DSCAML1: variants seen among roughly 807,000 people sequenced by gnomAD.
The protein encoded by DSCAML1 is DS cell adhesion molecule like 1.
In DSCAML1, 38 loss-of-function variants were observed where a neutral mutation model predicts 200.5. That is an observed-to-expected ratio of 0.19 (90% CI 0.15 to 0.25). The LOEUF is 0.25. Among genes scored for constraint, DSCAML1 ranks in the 10% least tolerant of loss-of-function variants. The pLI is 1.00. For synonymous variants in DSCAML1, 1,215 were observed against 1,165.0 expected (o/e 1.04, Z -0.87); for missense variants, 2,223 against 2,858.8 (o/e 0.78, Z 5.07).
chr11:117,635,532 G>A (rs1356957118), intron 3 of DSCAML1, among the ~76,000 whole-genome samples: 1 of 151,860 alleles, frequency 6.6e-6, no homozygotes, highest in Non-Finnish European at 1.5e-5. Context: ...GGGTGCAGCA[G>A]GGGTCAGGGG....
At chr11:117,701,358 A>T (rs192028968) in intron 3 of DSCAML1, among the ~76,000 whole-genome samples, 2 of 152,184 alleles carry the variant, frequency 1.3e-5, no homozygotes, top group African/African-American at 2.4e-5. Context: ...GAACGATGAT[A>T]CCACCCTGGG....
chr11:117,797,294 C>G (rs913257223), upstream of DSCAML1: 20 of 1,323,798 alleles, frequency 1.5e-5, no homozygotes, highest in Non-Finnish European at 1.9e-5. Context: ...CTCTCCCCGC[C>G]CCCCCGCGGC....
intron 3 of DSCAML1, among the ~76,000 whole-genome samples, chr11:117,695,280 G>A (rs1349865221): frequency 6.6e-6 from 1 of 150,986 alleles, no homozygotes; most frequent in Non-Finnish European, 1.5e-5. Flanking sequence ...TAAATAACAG[G>A]GCAGATCTTT....
In DSCAML1 at chr11:117,482,042, G is replaced by A; in HGVS notation, c.2480C>T (p.Thr827Ile). Residue 827 changes from threonine (T) to isoleucine (I), a missense_variant, in exon 12 of 33, where the codon ACA becomes ATA. Physicochemically the swap from Thr to Ile is moderately conservative, Grantham distance 89 (BLOSUM62 -1). Around this residue, in one of 7 missense-constraint regions of DSCAML1, gnomAD observed 438 missense variants for 629.7 expected, o/e 0.70. Coordinates refer to ENST00000651296, the MANE Select transcript of DSCAML1 (RefSeq NM_020693.4). ...PIIIRWEKGDTVIDPDRVMRY... is the reference protein window; with the variant it reads ...PIIIRWEKGDIVIDPDRVMRY... ...CATGACGCGGTCAGGGTCGATGACT[G>A]TGTCCCCCTTCTCCCAGCGGATGAT... The A allele has an allele frequency of 1.2e-6, 2 of 1,614,204 alleles. No homozygotes were observed. Among genetic ancestry groups the A allele is most frequent in the South Asian group, 2.2e-5 (2 of 91,092 alleles).
chr11:117,789,481 T>C (rs1019602267), intron 1 of DSCAML1, among the ~76,000 whole-genome samples: 50 of 152,184 alleles, frequency 3.3e-4, no homozygotes, highest in Non-Finnish European at 5.0e-4. Context: ...GGTGGAGTCA[T>C]CTACCCCAGG....
chr11:117,780,231 G>GAAAAA lies in DSCAML1; in HGVS notation c.364+261_364+262insTTTTT, dbSNP rs1555032678. Among the ~76,000 whole-genome samples the GAAAAA allele has an allele frequency of 0.02, 1,202 of 60,620 alleles. 58 individuals carry two copies. The highest frequency in any genetic ancestry group is 0.023 in the Non-Finnish European group (676 of 29,824). The allele number at this position is 60,620 out of a possible 152,430, so 39.8% of individuals were successfully genotyped here. On this transcript the variant is annotated intron_variant, in intron 2 of 32. Coordinates refer to ENST00000651296, the MANE Select transcript of DSCAML1 (RefSeq NM_020693.4). The surrounding 1 kb of genome is among the most constrained non-coding windows in gnomAD (Gnocchi z 4.8). ...AAAGAGAGAGAGAGAAAGAAAGAAA[G>GAAAAA]GAAAGAAAGAAAGAAAGAAAGAAAG...
At chr11:117,446,201 T>C (rs2048173964) in intron 20 of DSCAML1, among the ~76,000 whole-genome samples, 1 of 152,020 alleles carries the variant, frequency 6.6e-6, no homozygotes, top group Non-Finnish European at 1.5e-5. Flanking sequence ...CCCTCTCTAC[T>C]AAAAAATACA....
intron 29 of DSCAML1, 53 bp downstream of exon 29, chr11:117,433,085 G>A (rs1268912889): frequency 1.3e-6 from 2 of 1,515,074 alleles, no homozygotes; most frequent in Non-Finnish European, 1.8e-6. Context: ...ATGGGTTGTA[G>A]CCTGGGGAAG....
chr11:117,682,324 C>T (rs1020705184), intron 3 of DSCAML1, among the ~76,000 whole-genome samples: 3 of 152,144 alleles, frequency 2.0e-5, no homozygotes, highest in Non-Finnish European at 4.4e-5. Flanking sequence ...CCCTCCTTCC[C>T]ACCTGCTCCA....
chr11:117,428,557 G>A lies in DSCAML1; in HGVS notation c.5933C>T (p.Ala1978Val), dbSNP rs200329592. 3 of 1,550,676 alleles carry A rather than the reference G, an allele frequency of 1.9e-6. No individual in the cohort carries two copies. The highest frequency in any genetic ancestry group is 2.6e-6 in the Non-Finnish European group (3 of 1,145,112). Residue 1978 changes from alanine to valine, a missense_variant, in exon 33 of 33, where the codon GCC (alanine) becomes GTC (valine). Ala to Val is a moderately conservative substitution (Grantham distance 64). This residue lies in a region of DSCAML1 where 280 missense variants were observed against 213.4 expected (regional missense o/e 1.31). Coordinates refer to ENST00000651296, the MANE Select transcript of DSCAML1 (RefSeq NM_020693.4). Reference sequence around the variant, plus strand: ...TGGGGGGGCTGTGCCGGCTGGGGGGGCTGGCATGGCCAGAGTCCTCTGAGG... The same window carrying A: ...TGGGGGGGCTGTGCCGGCTGGGGGGACTGGCATGGCCAGAGTCCTCTGAGG... ...TLPQRTLAMP[A>V]PPAGTAPPAP... is the part of the protein sequence containing the mutation.
At chr11:117,492,088 C>T (rs2049192595) in intron 11 of DSCAML1, among the ~76,000 whole-genome samples, 1 of 152,118 alleles carries the variant, frequency 6.6e-6, no homozygotes, top group Non-Finnish European at 1.5e-5. Context: ...ACTTATTGTT[C>T]CATGGTGGGC....
chr11:117,707,647 C>G (rs1026603787), intron 3 of DSCAML1, among the ~76,000 whole-genome samples: 1 of 152,186 alleles, frequency 6.6e-6, no homozygotes, highest in African/African-American at 2.4e-5. Flanking sequence ...GATTCTCCTG[C>G]CTCAGCCTCC....
chr11:117,466,223 G>C (rs917351924), intron 16 of DSCAML1, among the ~76,000 whole-genome samples: 1 of 152,206 alleles, frequency 6.6e-6, no homozygotes, highest in Admixed American at 6.5e-5. Flanking sequence ...GAGTGGAGAA[G>C]CAGAATACGA....
In DSCAML1 at chr11:117,641,887, T is replaced by C. The variant is rs117630364; in HGVS notation, c.512-109365A>G. On this transcript the variant is annotated intron_variant, in intron 3 of 32. Transcript: ENST00000651296. Reference sequence around the variant, plus strand: ...GGCCCTTCATGGTGCTGAGAAGAGGTACTATTGAGTCCGTCTTACCCACGA... The same window carrying C: ...GGCCCTTCATGGTGCTGAGAAGAGGCACTATTGAGTCCGTCTTACCCACGA... 4.1e-4 allele frequency among the ~76,000 whole-genome samples: 63 copies of C among 151,898 alleles called. 1 individual carries two copies. In the East Asian group the frequency reaches 0.012, roughly 28 times the overall value.
chr11:117,728,538 A>C (rs1164640384), intron 3 of DSCAML1, among the ~76,000 whole-genome samples: 4 of 49,158 alleles, frequency 8.1e-5, no homozygotes, highest in Non-Finnish European at 4.8e-4. Context: ...GTATATAAAA[A>C]ACCCTTAGGA....
chr11:117,684,798 T>C (rs749596190), intron 3 of DSCAML1, among the ~76,000 whole-genome samples: 2 of 152,252 alleles, frequency 1.3e-5, no homozygotes, highest in South Asian at 4.1e-4. Context: ...CCTTTCTTCA[T>C]ATATTGCTGG....
chr11:117,687,900 TG>T (rs1183516549), intron 3 of DSCAML1, among the ~76,000 whole-genome samples: 1 of 152,206 alleles, frequency 6.6e-6, no homozygotes, highest in Non-Finnish European at 1.5e-5. Context: ...TGACCACATT[TG>T]TCCTCATGGC....
intron 32 of DSCAML1, 99 bp from the exon 33 acceptor site, chr11:117,428,902 G>T (rs2047725038): frequency 2.4e-6 from 3 of 1,241,326 alleles, no homozygotes; most frequent in Non-Finnish European, 3.3e-6. Context: ...TCTTCTCTCT[G>T]ATTTGGCATA....
intron 3 of DSCAML1, among the ~76,000 whole-genome samples, chr11:117,724,122 C>T (rs1423380577): frequency 1.3e-5 from 2 of 152,172 alleles, no homozygotes; most frequent in Non-Finnish European, 2.9e-5. Flanking sequence ...ACATTTTTCC[C>T]CCTCCTGTCT....
Sources: gnomAD v4.1 joint callset for allele counts (sites outside exome capture counted in the v4.1 genomes callset) on GRCh38, gnomAD v4.1.1 for gene constraint, gnomAD v4.1.1 regional missense constraint, Gnocchi (gnomAD v3.1) non-coding constraint, MANE v1.5 for transcripts, NCBI Gene and HGNC (gene_info 2026-07-23, HGNC 2026-07-21) for gene names.